The following CBLB variants were observed in gnomAD, a reference collection of about 807,000 sequenced individuals.
The protein encoded by CBLB is E3 ubiquitin-protein ligase CBL-B.
Under a neutral mutation model 104.9 loss-of-function variants are expected in CBLB, and 31 were observed. The ratio of observed to expected loss-of-function variants is 0.30; its 90% CI spans 0.22 to 0.40. The LOEUF (loss-of-function observed/expected upper bound fraction) is 0.40. CBLB is among the 10% of genes least tolerant of loss of function. The pLI, the probability that CBLB is intolerant of heterozygous loss-of-function variation, is 1.00. For synonymous variants in CBLB, 440 were observed against 422.6 expected, an observed-to-expected ratio of 1.04 and a Z score of -0.51; for missense variants, 1,062 against 1,214.6, an observed-to-expected ratio of 0.87 and a Z score of 1.87.
chr3:105,838,496 T>C (rs2099892), intron 3 of CBLB, among the ~76,000 whole-genome samples: 100,684 of 151,216 alleles, frequency 0.67, 34,756 homozygotes, highest in Middle Eastern at 0.79. Flanking sequence ...AGAAAGAATA[T>C]CTGCATAAAC....
At chr3:105,802,245 A>C (rs1007060411) in intron 3 of CBLB, among the ~76,000 whole-genome samples, 1 of 152,202 alleles carries the variant, frequency 6.6e-6, no homozygotes, top group Admixed American at 6.5e-5. Context: ...ATTTGCAGTT[A>C]CCTAAACAGG....
At chr3:105,794,353 C>CT (rs1560271309) in intron 3 of CBLB, among the ~76,000 whole-genome samples, 1 of 152,178 alleles carries the variant, frequency 6.6e-6, no homozygotes, top group Non-Finnish European at 1.5e-5. Flanking sequence ...CCTAATACTA[C>CT]TTAATTACTG....
At position 105,702,366 on chromosome 3, in the gene CBLB, G is replaced by C. The variant is rs767149622; in HGVS notation, c.1687C>G (p.Pro563Ala). 1 of 1,612,856 alleles carries C rather than the reference G, an allele frequency of 6.2e-7. No homozygotes were observed. The highest frequency in any genetic ancestry group is 2.2e-5 in the East Asian group (1 of 44,818). Reference sequence around the variant, plus strand: ...AGTCTATTGTCTGGTGGGATTGGTGGAGGTCTTTCAGGTGGCGGTGGAGGA... The same window carrying C: ...AGTCTATTGTCTGGTGGGATTGGTGCAGGTCTTTCAGGTGGCGGTGGAGGA... ...DPPPPPPERPPPIPPDNRLSR... is the reference protein window; with the variant it reads ...DPPPPPPERPAPIPPDNRLSR... Residue 563 changes from proline to alanine, a missense_variant, in exon 12 of 19, where the codon CCA (proline) becomes GCA (alanine). Pro to Ala is a conservative substitution (Grantham distance 27). Transcript: ENST00000394030.
At chr3:105,671,109 C>T (rs2065018671) in intron 17 of CBLB, 3 of 188,738 alleles carry the variant, frequency 1.6e-5, no homozygotes, top group Admixed American at 1.2e-4. Context: ...GAGATTTTGT[C>T]AGTGTTGCTG....
intron 14 of CBLB, among the ~76,000 whole-genome samples, chr3:105,684,513 T>C (rs1324814876): frequency 6.6e-6 from 1 of 151,572 alleles, no homozygotes; most frequent in African/African-American, 2.4e-5. Context: ...TAAGTGAGAA[T>C]AAGCCACAAA....
Position 105,704,182 on chromosome 3 carries a change from G to A in CBLB, c.1408-9C>T, listed in dbSNP as rs41314177. 1 of 1,613,312 alleles carries A rather than the reference G, an allele frequency of 6.2e-7. No homozygotes were observed. The highest frequency in any genetic ancestry group is 1.7e-5 in the Admixed American group (1 of 60,026). On this transcript the variant is annotated splice_polypyrimidine_tract_variant and intron_variant, in intron 10 of 18. Transcript: ENST00000394030. ...TTCTGCCTGTCAGTGCACTAGAACA[G>A]AAAAAGAGAAAGATGCCGCTGTTTA...
intron 13 of CBLB, 90 bp from the exon 14 acceptor site, chr3:105,685,556 T>A (rs1399142947): frequency 1.0e-6 from 1 of 1,004,342 alleles, no homozygotes; most frequent in Non-Finnish European, 1.5e-6. Context: ...AAGAAGCTAC[T>A]TTATCACTTA....
intron 1 of CBLB, 106 bp from the exon 2 acceptor site, chr3:105,867,697 T>C (rs1023268764): frequency 2.3e-5 from 21 of 927,446 alleles, no homozygotes; most frequent in African/African-American, 1.5e-4. Context: ...CTCCATCGAT[T>C]AGAGCAAAAC....
intron 3 of CBLB, among the ~76,000 whole-genome samples, chr3:105,793,812 G>A (rs894321483): frequency 6.6e-6 from 1 of 152,000 alleles, no homozygotes; most frequent in African/African-American, 2.4e-5. Flanking sequence ...AATCACAGGT[G>A]AAGAACAACT....
In CBLB at chr3:105,658,912, T is replaced by C; in HGVS notation, c.*58A>G. 6.3e-7 allele frequency: 1 copy of C among 1,576,962 alleles called. No individual in the cohort carries two copies. On this transcript the variant is annotated 3_prime_UTR_variant, in exon 19 of 19. Transcript: ENST00000394030. ...TGAATTCCATCTCAGTTCTCTTTAT[T>C]TCCACACTCTTGGAATACATCGATT... is the stretch of plus-strand genomic sequence containing the variant.
chr3:105,718,918 C>A (rs1464910006), intron 10 of CBLB, among the ~76,000 whole-genome samples: 2 of 152,190 alleles, frequency 1.3e-5, no homozygotes, highest in Non-Finnish European at 2.9e-5. Context: ...CCTCTCTTGA[C>A]CACTGTATTT....
At position 105,657,329 on chromosome 3, in the gene CBLB, T is replaced by C. The variant is rs1041755708; in HGVS notation, c.*1641A>G. ...TTTTTATATCATGGTGGGTGTGAAG[T>C]GAAAAGAGGAGACACAGAAATATGC... On this transcript the variant is annotated 3_prime_UTR_variant, in exon 19 of 19. Coordinates refer to ENST00000394030, the MANE Select transcript of CBLB (RefSeq NM_170662.5). The C allele has an allele frequency of 4.1e-5, 9 of 217,920 alleles. No individual in the cohort carries two copies. Among genetic ancestry groups the C allele is most frequent in the African/African-American group, 1.6e-4 (7 of 44,500 alleles). 13.5% of individuals were successfully genotyped at this position (217,920 alleles called of 1,614,324 possible). A position where few individuals can be genotyped will look rare whatever the true frequency, so the allele number is the denominator to read the frequency against.
chr3:105,838,667 CT>C (rs58426302), intron 3 of CBLB, among the ~76,000 whole-genome samples: 31,699 of 137,184 alleles, frequency 0.23, 3,596 homozygotes, highest in East Asian at 0.47. Flanking sequence ...ATGTATCCTT[CT>C]TTTTTTTTTT....
chr3:105,685,687 A>G (rs1472709472), intron 13 of CBLB, among the ~76,000 whole-genome samples: 2 of 152,214 alleles, frequency 1.3e-5, no homozygotes, highest in Admixed American at 1.3e-4. Flanking sequence ...TCATCCTCAC[A>G]ATTTTAAATG....
intron 10 of CBLB, among the ~76,000 whole-genome samples, chr3:105,717,096 TG>T (rs1157605936): frequency 6.6e-6 from 1 of 152,140 alleles, no homozygotes; most frequent in African/African-American, 2.4e-5. Flanking sequence ...CTTAATTCAA[TG>T]GAAAGCAGGT....
Position 105,678,518 on chromosome 3 carries a change from C to T in CBLB, c.2482G>A (p.Ala828Thr), listed in dbSNP as rs2065917407. 1 of 1,613,750 alleles carries T rather than the reference C, an allele frequency of 6.2e-7. No homozygotes were observed. The highest frequency in any genetic ancestry group is 1.7e-5 in the Admixed American group (1 of 59,988). Residue 828 changes from alanine (A) to threonine (T), a missense_variant, in exon 17 of 19, where the codon GCA (alanine) becomes ACA (threonine). This residue lies in a region of CBLB where 605 missense variants were observed against 582.6 expected (regional missense o/e 1.04). Coordinates refer to ENST00000394030, the MANE Select transcript of CBLB (RefSeq NM_170662.5). The stretch of plus-strand genomic sequence containing the variant: ...GAATGTTCAATGAGACTATGCCTTG[C>T]AGGAGGTGGGGGAGGTGGGAGAGAT... The part of the protein sequence containing the change: ...PPSLPPPPPP[A>T]RHSLIEHSKP...
chr3:105,793,484 C>CA (rs367556783), intron 3 of CBLB, among the ~76,000 whole-genome samples: 86 of 118,566 alleles, frequency 7.3e-4, no homozygotes, highest in African/African-American at 2.6e-3. Flanking sequence ...AAATGTTTAA[C>CA]AAAAAAAAAA....
intron 18 of CBLB, among the ~76,000 whole-genome samples, chr3:105,668,782 T>C (rs1258740317): frequency 6.6e-6 from 1 of 152,134 alleles, no homozygotes; most frequent in East Asian, 1.9e-4. Flanking sequence ...GCATCTCCCA[T>C]GCATGGCATC....
chr3:105,739,055 G>A (rs769085697), intron 7 of CBLB, among the ~76,000 whole-genome samples: 4 of 151,946 alleles, frequency 2.6e-5, no homozygotes, highest in Non-Finnish European at 5.9e-5. Context: ...CTACCGTCAC[G>A]CGCCACCATG....
Sources: gnomAD v4.1 joint callset for allele counts (sites outside exome capture counted in the v4.1 genomes callset) on GRCh38, gnomAD v4.1.1 for gene constraint, gnomAD v4.1.1 regional missense constraint, MANE v1.5 for transcripts, NCBI Gene and HGNC (gene_info 2026-07-23, HGNC 2026-07-21) for gene names.